COPE: variants seen among roughly 807,000 people sequenced by gnomAD.
The protein encoded by COPE is coatomer subunit epsilon.
A neutral mutation model predicts 42.1 loss-of-function variants in COPE; 19 were observed. That is an observed-to-expected ratio of 0.45 (90% CI 0.31 to 0.66). COPE has a LOEUF of 0.66. COPE is among the 30% of genes least tolerant of loss of function. COPE has a pLI of 0.05. For synonymous variants in COPE, 195 were observed against 181.3 expected, an observed-to-expected ratio of 1.08 and a Z score of -0.60; for missense variants, 402 against 416.1, an observed-to-expected ratio of 0.97 and a Z score of 0.30.
rs978473486 is a variant in COPE, at chr19:18,910,962, G to A, written c.290+9C>T. On this transcript the variant is annotated intron_variant, in intron 3 of 9. Transcript: ENST00000262812. ...GCGCCTCAGGCCAACCCATTCTCTG[G>A]GGCCTCACCTCCGACTCTCGTGGGC... is the stretch of plus-strand genomic sequence containing the variant. 6 of 1,613,080 alleles carry A rather than the reference G, an allele frequency of 3.7e-6. No individual in the cohort carries two copies. The highest frequency in any genetic ancestry group is 5.1e-6 in the Non-Finnish European group (6 of 1,179,738).
chr19:18,902,783 AGG>A lies in COPE; in HGVS notation c.735+483_735+484del, dbSNP rs2056718542. 5.2e-5 allele frequency among the ~76,000 whole-genome samples: 4 copies of A among 77,238 alleles called. 2 individuals carry two copies. Among genetic ancestry groups the A allele is most frequent in the Non-Finnish European group, 1.0e-4 (4 of 39,606 alleles). 50.7% of individuals were successfully genotyped at this position (77,238 alleles called of 152,430 possible). ...AGGAAGGAAGGGAAAGAAGGAAGGA[AGG>A]AAGGAAGGAAGGAAGGAAGGAAGGA... On this transcript the variant is annotated intron_variant, in intron 7 of 9. Transcript: ENST00000262812.
At chr19:18,912,032 TAG>T (rs2056815490) in intron 2 of COPE, among the ~76,000 whole-genome samples, 1 of 151,842 alleles carries the variant, frequency 6.6e-6, no homozygotes, top group African/African-American at 2.4e-5. Context: ...GTATTTTTAG[TAG>T]AGACAGGGTT....
intron 9 of COPE, 56 bp from the exon 10 acceptor site, chr19:18,899,782 G>A (rs1459527651): frequency 6.2e-7 from 1 of 1,611,654 alleles, no homozygotes; most frequent in Non-Finnish European, 8.5e-7. Flanking sequence ...GAGACAGGTG[G>A]AGGGAGAGAG....
chr19:18,913,090 G>C (rs1380371125), intron 1 of COPE, 44 bp from the exon 2 acceptor site: 1 of 1,555,916 alleles, frequency 6.4e-7, no homozygotes, highest in Non-Finnish European at 8.8e-7. Flanking sequence ...GGGAGGCCCA[G>C]CGCAGCCCAC....
intron 7 of COPE, among the ~76,000 whole-genome samples, chr19:18,902,425 G>A (rs936247930): frequency 6.6e-6 from 1 of 151,452 alleles, no homozygotes; most frequent in African/African-American, 2.4e-5. Context: ...AGCACTTTGG[G>A]AGGCTGAGGC....
intron 2 of COPE, 109 bp downstream of exon 2, chr19:18,912,875 C>A: frequency 9.7e-7 from 1 of 1,030,140 alleles, no homozygotes; most frequent in Non-Finnish European, 1.5e-6. Flanking sequence ...AGGCCTGGGT[C>A]CCTGCTTTGT....
At chr19:18,907,255 C>G (rs1394806851) in intron 3 of COPE, 143 bp from the exon 4 acceptor site, 3 of 863,234 alleles carry the variant, frequency 3.5e-6, no homozygotes, top group Non-Finnish European at 5.2e-6. Context: ...GAGCATCGAG[C>G]TGTCCCGACA....
At chr19:18,905,737 G>A (rs552280305) in intron 4 of COPE, 108 bp from the exon 5 acceptor site, 3 of 1,133,134 alleles carry the variant, frequency 2.6e-6, no homozygotes, top group Non-Finnish European at 3.7e-6. Context: ...TAAGTCCTGT[G>A]CTTAGGACCA....
chr19:18,900,116 A>AT, intron 8 of COPE, 169 bp from the exon 9 acceptor site: 1 of 617,484 alleles, frequency 1.6e-6, no homozygotes, highest in Non-Finnish European at 2.8e-6. Context: ...GGGTGGAGGG[A>AT]TGGGCCTGCC....
chr19:18,915,614 G>A (rs542897260), intron 1 of COPE, among the ~76,000 whole-genome samples: 13 of 152,334 alleles, frequency 8.5e-5, no homozygotes, highest in Non-Finnish European at 1.8e-4. Flanking sequence ...AGGTCACCTG[G>A]CCCTAGGATG....
intron 3 of COPE, among the ~76,000 whole-genome samples, chr19:18,908,683 A>AT (rs1239847754): frequency 6.0e-5 from 9 of 151,150 alleles, no homozygotes; most frequent in African/African-American, 1.9e-4. Flanking sequence ...TGCCCGGCTA[A>AT]TTTTTTTTGT....
At chr19:18,908,113 T>C (rs1170862282) in intron 3 of COPE, among the ~76,000 whole-genome samples, 1 of 152,170 alleles carries the variant, frequency 6.6e-6, no homozygotes, top group Admixed American at 6.5e-5. Flanking sequence ...GTTGGTACTG[T>C]AATGTTGTCA....
At chr19:18,910,568 G>A (rs1031422051) in intron 3 of COPE, 2 of 193,412 alleles carry the variant, frequency 1.0e-5, no homozygotes, top group Admixed American at 1.0e-4. Context: ...CCTGGTGACA[G>A]AGTGAGACTC....
intron 1 of COPE, among the ~76,000 whole-genome samples, chr19:18,916,078 G>C (rs544678503): frequency 2.6e-5 from 4 of 151,054 alleles, no homozygotes; most frequent in Admixed American, 2.6e-4. Context: ...CCACCTACTC[G>C]GGAGGCTGAG....
intron 1 of COPE, among the ~76,000 whole-genome samples, chr19:18,914,909 G>C (rs908579004): frequency 1.3e-5 from 2 of 151,864 alleles, no homozygotes; most frequent in Non-Finnish European, 2.9e-5. Flanking sequence ...TGTATTTTTA[G>C]TAGAGATGGG....
chr19:18,918,481 C>A (rs1259849613), intron 1 of COPE, among the ~76,000 whole-genome samples: 2 of 152,136 alleles, frequency 1.3e-5, no homozygotes, highest in Admixed American at 1.3e-4. Flanking sequence ...CTTTGTCACC[C>A]AGGCTGGAGT....
intron 6 of COPE, among the ~76,000 whole-genome samples, chr19:18,903,898 A>G (rs1383094908): frequency 6.6e-6 from 1 of 152,200 alleles, no homozygotes; most frequent in Non-Finnish European, 1.5e-5. Flanking sequence ...GGCCTGTCCT[A>G]CCATACTAGA....
chr19:18,902,147 T>C (rs1474681660), intron 7 of COPE, among the ~76,000 whole-genome samples: 2 of 131,042 alleles, frequency 1.5e-5, no homozygotes, highest in Non-Finnish European at 3.1e-5. Flanking sequence ...ACCACTGCAC[T>C]CCAGCCTGGG....
Position 18,902,817 on chromosome 19 carries a change from G to GAAAGAAAGAAAGAAAGAAAGAAAGA in COPE, c.735+450_735+451insTCTTTCTTTCTTTCTTTCTTTCTTT, listed in dbSNP as rs1458260385. Among the ~76,000 whole-genome samples, 4 of 29,814 alleles carry GAAAGAAAGAAAGAAAGAAAGAAAGA rather than the reference G, an allele frequency of 1.3e-4. 1 individual carries two copies. Among genetic ancestry groups the GAAAGAAAGAAAGAAAGAAAGAAAGA allele is most frequent in the Non-Finnish European group, 1.9e-4 (3 of 15,462 alleles). 19.6% of individuals were successfully genotyped at this position (29,814 alleles called of 152,430 possible). On this transcript the variant is annotated intron_variant, in intron 7 of 9. Coordinates refer to ENST00000262812, the MANE Select transcript of COPE (RefSeq NM_007263.4). ...GGAAGGAAGGAAGGAAGGAAGGAAGGAAGGAAGGAAGAAAAGACTGCAGAC... is the reference window on the plus strand; with the variant it reads ...GGAAGGAAGGAAGGAAGGAAGGAAGGAAAGAAAGAAAGAAAGAAAGAAAGAAAGGAAGGAAGAAAAGACTGCAGAC...
Sources: allele counts gnomAD v4.1 joint callset (sites outside exome capture counted in the v4.1 genomes callset), GRCh38; gene constraint gnomAD v4.1.1; transcripts MANE v1.5; gene names NCBI Gene and HGNC (gene_info 2026-07-23, HGNC 2026-07-21).